The following SPDEF variants were observed in gnomAD, a reference collection of about 807,000 sequenced individuals.
SPDEF encodes the protein SAM pointed domain-containing Ets transcription factor.
A neutral mutation model predicts 36.0 loss-of-function variants in SPDEF; 12 were observed. That is an observed-to-expected ratio of 0.33 (90% CI 0.21 to 0.54). SPDEF has a LOEUF of 0.54. SPDEF is among the 20% of genes least tolerant of loss of function. The probability of loss-of-function intolerance (pLI) is 0.93; values close to 1 mark genes in which losing one functional copy is unlikely to be tolerated. For synonymous variants in SPDEF, 205 were observed against 193.0 expected (o/e 1.06, Z -0.51); for missense variants, 388 against 456.9 (o/e 0.85, Z 1.37).
rs528071341 is a variant in SPDEF, at chr6:34,544,841, G to A, written c.-29-357C>T. Among the ~76,000 whole-genome samples, 4 of 152,336 alleles carry A rather than the reference G, an allele frequency of 2.6e-5. No individual in the cohort carries two copies. The highest frequency in any genetic ancestry group is 1.9e-4 in the East Asian group (1 of 5,188). ...GGAAGGCATGATTGCGCCATTTGGCGGATGAGCAAACTGAGGTGGGAACAA... is the reference window on the plus strand; with the variant it reads ...GGAAGGCATGATTGCGCCATTTGGCAGATGAGCAAACTGAGGTGGGAACAA... On this transcript the variant is annotated intron_variant, in intron 1 of 5. Coordinates refer to ENST00000374037, the MANE Select transcript of SPDEF (RefSeq NM_012391.3). This position sits in a 1 kb window ranked among gnomAD's most constrained non-coding sequence, Gnocchi z 4.4.
intron 1 of SPDEF, among the ~76,000 whole-genome samples, chr6:34,553,740 G>A (rs1768110380): frequency 6.6e-6 from 1 of 152,060 alleles, no homozygotes; most frequent in African/African-American, 2.4e-5. Context: ...GTGATGGGGA[G>A]TAGAGGGAGT....
chr6:34,546,924 G>A (rs1277795570), intron 1 of SPDEF, among the ~76,000 whole-genome samples: 1 of 152,088 alleles, frequency 6.6e-6, no homozygotes, highest in Non-Finnish European at 1.5e-5. Context: ...CCAACAGCTC[G>A]CTCTGCCCCT....
intron 2 of SPDEF, among the ~76,000 whole-genome samples, chr6:34,541,897 G>A (rs1278695450): frequency 6.6e-6 from 1 of 152,238 alleles, no homozygotes; most frequent in African/African-American, 2.4e-5. Flanking sequence ...ATAGGCTGGT[G>A]GGCATGGTCA....
chr6:34,553,234 A>G (rs1243942553), intron 1 of SPDEF, among the ~76,000 whole-genome samples: 1 of 152,132 alleles, frequency 6.6e-6, no homozygotes, highest in Non-Finnish European at 1.5e-5. Flanking sequence ...GAGAGGTGGG[A>G]GAGCAGAATC....
chr6:34,539,528 C>G lies in SPDEF; in HGVS notation c.669G>C (p.Ala223=). The G allele has an allele frequency of 6.3e-7, 1 of 1,575,188 alleles. No homozygotes were observed. Among genetic ancestry groups the G allele is most frequent in the Non-Finnish European group, 8.6e-7 (1 of 1,161,114 alleles). Residue 223 remains alanine (A), a synonymous_variant, in exon 4 of 6, where the codon GCG becomes GCC. Transcript: ENST00000374037. The surrounding 1 kb of genome is among the most constrained non-coding windows in gnomAD (Gnocchi z 5.2). ...AWMKERTSPG[A]IHYCASTSEE... is the part of the protein sequence containing the mutation. ...TGCCTGGCTCACCACAGTAGTGAAT[C>G]GCCCCAGGTGAAGTCCGCTCTTTCA...
At chr6:34,549,331 C>T (rs1043578027) in intron 1 of SPDEF, among the ~76,000 whole-genome samples, 3 of 152,122 alleles carry the variant, frequency 2.0e-5, no homozygotes, top group African/African-American at 7.2e-5. Context: ...CACCTTGGGC[C>T]CCTTCTCTCA....
chr6:34,547,571 T>C (rs145705023), intron 1 of SPDEF, among the ~76,000 whole-genome samples: 269 of 152,172 alleles, frequency 1.8e-3, no homozygotes, highest in African/African-American at 6.1e-3. Context: ...CTCACTATGT[T>C]GCCCAGGCTG....
chr6:34,538,226 G>A lies in SPDEF; in HGVS notation c.*48C>T. The stretch of plus-strand genomic sequence containing the variant: ...TCAGGGCCTGGCTGAGGCAGGGCAG[G>A]CAGGAGAGAGGCCCCTGAGGGCGGG... On this transcript the variant is annotated 3_prime_UTR_variant, in exon 6 of 6. Transcript: ENST00000374037. The surrounding 1 kb of genome is among the most constrained non-coding windows in gnomAD (Gnocchi z 5.9). 6.4e-7 allele frequency: 1 copy of A among 1,574,634 alleles called. No individual in the cohort carries two copies. The highest frequency in any genetic ancestry group is 8.7e-7 in the Non-Finnish European group (1 of 1,152,634).
intron 3 of SPDEF, among the ~76,000 whole-genome samples, chr6:34,540,741 C>T (rs997118222): frequency 4.6e-5 from 7 of 152,250 alleles, no homozygotes; most frequent in African/African-American, 1.4e-4. Flanking sequence ...AGTCTGACTT[C>T]TACCTTTTAA....
rs1438153610 is a variant in SPDEF, at chr6:34,544,481, G to A, written c.-26C>T. On this transcript the variant is annotated 5_prime_UTR_variant, in exon 2 of 6. Transcript: ENST00000374037. The surrounding 1 kb of genome is among the most constrained non-coding windows in gnomAD (Gnocchi z 4.4). The stretch of plus-strand genomic sequence containing the variant: ...GCCGCTGCTGTTTGGGCTGGCGGCT[G>A]TGTCTACGGAAATGAAAGAGGACTC... 14 of 1,512,130 alleles carry A rather than the reference G, an allele frequency of 9.3e-6. No individual in the cohort carries two copies. Among genetic ancestry groups the A allele is most frequent in the African/African-American group, 1.4e-5 (1 of 72,108 alleles). 93.7% of individuals were successfully genotyped at this position (1,512,130 alleles called of 1,614,324 possible). A position where few individuals can be genotyped will look rare whatever the true frequency, so the allele number is the denominator to read the frequency against.
At position 34,538,817 on chromosome 6, in the gene SPDEF, C is replaced by T. The variant is rs1409040512; in HGVS notation, c.830-365G>A. Among the ~76,000 whole-genome samples the T allele has an allele frequency of 6.6e-6, 1 of 152,154 alleles. No individual in the cohort carries two copies. The highest frequency in any genetic ancestry group is 1.5e-5 in the Non-Finnish European group (1 of 68,018). On this transcript the variant is annotated intron_variant, in intron 5 of 5. Transcript: ENST00000374037. This position sits in a 1 kb window ranked among gnomAD's most constrained non-coding sequence, Gnocchi z 5.9. ...GGGTTTGCATGACCTAATGCAAAGT[C>T]CTGTGTGGCTCCCAGCAGTGCCCAC...
rs566297295 is a variant in SPDEF, at chr6:34,544,103, G to A, written c.353C>T (p.Ser118Leu). The change falls in exon 2 of 6, where the codon TCG becomes TTG. Residue 118 changes from serine (S) to leucine (L), a missense_variant. Coordinates refer to ENST00000374037, the MANE Select transcript of SPDEF (RefSeq NM_012391.3). The surrounding 1 kb of genome is among the most constrained non-coding windows in gnomAD (Gnocchi z 4.4). Reference sequence around the variant, plus strand: ...CACCATGGACTGCACCTGCTCCAGCGAGTGCTCCTCCAAGGTCAGCCCGCC... The same window carrying A: ...CACCATGGACTGCACCTGCTCCAGCAAGTGCTCCTCCAAGGTCAGCCCGCC... ...VPGGLTLEEH[S>L]LEQVQSMVVG... 317 of 1,613,560 alleles carry A rather than the reference G, an allele frequency of 2.0e-4. 3 individuals are homozygous for A. In the South Asian group the frequency reaches 3.0e-3, roughly 15 times the overall value.
In SPDEF at chr6:34,538,163, G is replaced by A. The variant is rs1767733890; in HGVS notation, c.*111C>T. On this transcript the variant is annotated 3_prime_UTR_variant, in exon 6 of 6. Transcript: ENST00000374037. The surrounding 1 kb of genome is among the most constrained non-coding windows in gnomAD (Gnocchi z 5.9). ...CCTCCCTGACCTTGGGCTCTGGAAG[G>A]TCAGAGCAGCAGAGCAGACTGCCCG... 1 of 1,242,390 alleles carries A rather than the reference G, an allele frequency of 8.0e-7. No individual in the cohort carries two copies. The highest frequency in any genetic ancestry group is 1.1e-6 in the Non-Finnish European group (1 of 888,594). The allele number at this position is 1,242,390 out of a possible 1,614,324, so 77.0% of individuals were successfully genotyped here. A position where few individuals can be genotyped will look rare whatever the true frequency, so the allele number is the denominator to read the frequency against.
chr6:34,540,935 C>T (rs1288576098), intron 3 of SPDEF, 49 bp downstream of exon 3: 2 of 1,560,032 alleles, frequency 1.3e-6, no homozygotes, highest in Non-Finnish European at 1.7e-6. Flanking sequence ...GCATCCTGTC[C>T]CTGGCTTGGA....
chr6:34,543,531 G>A (rs560213252), intron 2 of SPDEF, among the ~76,000 whole-genome samples: 100 of 152,240 alleles, frequency 6.6e-4, no homozygotes, highest in African/African-American at 2.2e-3. Context: ...TCTTTACCAT[G>A]TCCTGTGCTC....
Position 34,541,155 on chromosome 6 carries a change from C to T in SPDEF, c.463G>A (p.Val155Met). Residue 155 changes from valine (V) to methionine (M), a missense_variant, in exon 3 of 6, where the codon GTG becomes ATG. Physicochemically the swap from Val to Met is conservative, Grantham distance 21 (BLOSUM62 1). This residue lies in a region of SPDEF where 308 missense variants were observed against 326.1 expected (regional missense o/e 0.94). Transcript: ENST00000374037. ...TCTGTCCACAGGAGCCACTTCTGCA[C>T]ATTGCTGGGGCTCCAGTCCATGGGA... is the stretch of plus-strand genomic sequence containing the variant. Reference protein sequence around the residue: ...ADPMDWSPSNVQKWLLWTEHQ... With the variant: ...ADPMDWSPSNMQKWLLWTEHQ... 1 of 1,606,900 alleles carries T rather than the reference C, an allele frequency of 6.2e-7. No individual in the cohort carries two copies. The highest frequency in any genetic ancestry group is 8.5e-7 in the Non-Finnish European group (1 of 1,176,800).
rs1053238106 is a variant in SPDEF, at chr6:34,556,113, C to T, written c.-214G>A. ...AGGTTGGCCACTGGGGGCCTGGCCA[C>T]CCTCAAGGGGTGGCCCTCTGAGGTC... On this transcript the variant is annotated 5_prime_UTR_variant, in exon 1 of 6. It adds an upstream start codon to the 5' untranslated region. Coordinates refer to ENST00000374037, the MANE Select transcript of SPDEF (RefSeq NM_012391.3). 1 of 152,212 alleles carries T rather than the reference C, an allele frequency of 6.6e-6. No homozygotes were observed. The highest frequency in any genetic ancestry group is 2.4e-5 in the African/African-American group (1 of 41,420). 9.4% of individuals were successfully genotyped at this position (152,212 alleles called of 1,614,324 possible). A position where few individuals can be genotyped will look rare whatever the true frequency, so the allele number is the denominator to read the frequency against.
chr6:34,545,643 C>G (rs1355556225), intron 1 of SPDEF, among the ~76,000 whole-genome samples: 1 of 152,246 alleles, frequency 6.6e-6, no homozygotes, highest in Non-Finnish European at 1.5e-5. Flanking sequence ...AGTGCAGTAG[C>G]TCGTGACTGT....
intron 1 of SPDEF, among the ~76,000 whole-genome samples, chr6:34,549,637 C>T (rs954895913): frequency 6.6e-6 from 1 of 152,192 alleles, no homozygotes; most frequent in Non-Finnish European, 1.5e-5. Context: ...CTTCCATATC[C>T]TGCTTGGTCC....
Sources: allele counts gnomAD v4.1 joint callset (sites outside exome capture counted in the v4.1 genomes callset), GRCh38; gene constraint gnomAD v4.1.1; regional missense constraint gnomAD v4.1.1; non-coding constraint Gnocchi (gnomAD v3.1); transcripts MANE v1.5; gene names NCBI Gene and HGNC (gene_info 2026-07-23, HGNC 2026-07-21).